ATP6V1D: variants seen among roughly 807,000 people sequenced by gnomAD.
ATP6V1D encodes the protein V-type proton ATPase subunit D.
ATP6V1D carries 20 observed loss-of-function variants against 39.4 expected under a neutral mutation model. The observed-to-expected ratio is 0.51, with a 90% CI of 0.36 to 0.74. The LOEUF is 0.74. ATP6V1D is among the 30% of genes least tolerant of loss of function. ATP6V1D has a pLI of 0.00. For missense variants in ATP6V1D, 228 were observed against 291.6 expected, an observed-to-expected ratio of 0.78 and a Z score of 1.59; for synonymous variants, 100 against 100.5, an observed-to-expected ratio of 0.99 and a Z score of 0.03.
chr14:67,359,195 A>G (rs945891188), intron 1 of ATP6V1D, among the ~76,000 whole-genome samples: 1 of 152,230 alleles, frequency 6.6e-6, no homozygotes, highest in African/African-American at 2.4e-5. Flanking sequence ...TTCCATCCCC[A>G]CTTTGGCTTA....
chr14:67,338,533 A>T lies in ATP6V1D; in HGVS notation c.*88T>A. Reference sequence around the variant, plus strand: ...AACCAGTGAAATTCTTAGGCCAAAAAATAAATAGCCACACAAATCAAACCT... The same window carrying T: ...AACCAGTGAAATTCTTAGGCCAAAATATAAATAGCCACACAAATCAAACCT... On this transcript the variant is annotated 3_prime_UTR_variant, in exon 9 of 9. Transcript: ENST00000216442. The T allele has an allele frequency of 7.3e-7, 1 of 1,374,404 alleles. No homozygotes were observed. The highest frequency in any genetic ancestry group is 2.6e-5 in the Admixed American group (1 of 38,572). 85.1% of individuals were successfully genotyped at this position (1,374,404 alleles called of 1,614,324 possible).
intron 7 of ATP6V1D, among the ~76,000 whole-genome samples, chr14:67,342,096 CTTGT>C (rs1349794556): frequency 1.3e-5 from 2 of 151,956 alleles, no homozygotes; most frequent in African/African-American, 2.4e-5. Context: ...CCTTTGTTCA[CTTGT>C]TTATCTGCTG....
At chr14:67,356,844 T>A (rs1446289850) in intron 1 of ATP6V1D, among the ~76,000 whole-genome samples, 2 of 152,234 alleles carry the variant, frequency 1.3e-5, no homozygotes, top group Non-Finnish European at 2.9e-5. Flanking sequence ...CATCTCAATG[T>A]GTGCATTTAA....
At chr14:67,341,457 G>A (rs2085581979) in intron 7 of ATP6V1D, among the ~76,000 whole-genome samples, 1 of 152,112 alleles carries the variant, frequency 6.6e-6, no homozygotes, top group South Asian at 2.1e-4. Context: ...CGTCCAGGAG[G>A]GAGGTTGGGG....
intron 8 of ATP6V1D, 93 bp from the exon 9 acceptor site, chr14:67,338,855 A>C: frequency 1.8e-6 from 2 of 1,107,824 alleles, no homozygotes; most frequent in Non-Finnish European, 2.5e-6. Flanking sequence ...GATAATAAAC[A>C]CATACCTAGA....
chr14:67,342,465 C>T (rs913390322), intron 7 of ATP6V1D, among the ~76,000 whole-genome samples: 3 of 150,426 alleles, frequency 2.0e-5, no homozygotes, highest in African/African-American at 7.3e-5. Flanking sequence ...AGAGAATGCT[C>T]GATTGAGTTT....
chr14:67,357,496 C>T (rs930556904), intron 1 of ATP6V1D, among the ~76,000 whole-genome samples: 3 of 152,220 alleles, frequency 2.0e-5, no homozygotes, highest in Non-Finnish European at 2.9e-5. Context: ...ATAGTAGTTT[C>T]ACCTTCATGA....
chr14:67,338,846 A>G, intron 8 of ATP6V1D, 84 bp from the exon 9 acceptor site: 1 of 1,267,646 alleles, frequency 7.9e-7, no homozygotes, highest in Non-Finnish European at 1.1e-6. Flanking sequence ...TGTAACAAGG[A>G]TAATAAACAC....
rs1308724511 is a variant in ATP6V1D at position 67,353,043 on chromosome 14, A to T, written c.42-3T>A. 1 of 1,596,686 alleles carries T rather than the reference A, an allele frequency of 6.3e-7. No individual in the cohort carries two copies. ...GAGCCTTCATGATGGTCTGTGCCCTATATAAACATAAACAAAGTTAAGACA... is the reference window on the plus strand; with the variant it reads ...GAGCCTTCATGATGGTCTGTGCCCTTTATAAACATAAACAAAGTTAAGACA... On this transcript the variant is annotated splice_polypyrimidine_tract_variant and splice_region_variant and intron_variant, in intron 1 of 8. Transcript: ENST00000216442.
intron 3 of ATP6V1D, among the ~76,000 whole-genome samples, chr14:67,350,089 TA>T (rs2085646277): frequency 6.6e-6 from 1 of 152,242 alleles, no homozygotes; most frequent in South Asian, 2.1e-4. Context: ...TAAATTGGCA[TA>T]ACACATTTGC....
chr14:67,341,551 G>A (rs1353650639), intron 7 of ATP6V1D, among the ~76,000 whole-genome samples: 3 of 150,862 alleles, frequency 2.0e-5, no homozygotes, highest in East Asian at 2.0e-4. Context: ...CGCCCCGTCC[G>A]GGAGGGAGGT....
chr14:67,353,848 G>T (rs749432451), intron 1 of ATP6V1D: 1 of 152,080 alleles, frequency 6.6e-6, no homozygotes, highest in Non-Finnish European at 1.5e-5. Context: ...GATTGCAGTG[G>T]TATGATCATA....
chr14:67,342,329 G>A (rs2085591519), intron 7 of ATP6V1D, among the ~76,000 whole-genome samples: 1 of 151,664 alleles, frequency 6.6e-6, no homozygotes, highest in Non-Finnish European at 1.5e-5. Context: ...TCTTTTCTAT[G>A]CATAGATAAC....
intron 8 of ATP6V1D, 123 bp downstream of exon 8, chr14:67,340,317 T>G: frequency 1.3e-6 from 1 of 775,746 alleles, no homozygotes; most frequent in Non-Finnish European, 2.1e-6. Context: ...TGCTGCTTAT[T>G]TATCAGAATA....
chr14:67,341,561 TG>T (rs963883332), intron 7 of ATP6V1D, among the ~76,000 whole-genome samples: 27 of 135,658 alleles, frequency 2.0e-4, no homozygotes, highest in Admixed American at 1.9e-3. Flanking sequence ...GGGAGGGAGG[TG>T]GGGGGGTCAG....
intron 3 of ATP6V1D, among the ~76,000 whole-genome samples, chr14:67,350,265 C>T (rs1018348330): frequency 2.0e-5 from 3 of 151,340 alleles, no homozygotes; most frequent in African/African-American, 7.3e-5. Flanking sequence ...CCTAATATTC[C>T]AAAAAACTGA....
chr14:67,340,591 A>G (rs540919367), intron 7 of ATP6V1D, 73 bp from the exon 8 acceptor site: 13 of 1,237,524 alleles, frequency 1.1e-5, no homozygotes, highest in African/African-American at 3.0e-5. Context: ...GCTCATTTGT[A>G]TAACAGTTAT....
At chr14:67,346,428 C>T (rs1006530522) in intron 5 of ATP6V1D, among the ~76,000 whole-genome samples, 3 of 152,240 alleles carry the variant, frequency 2.0e-5, no homozygotes, top group African/African-American at 4.8e-5. Context: ...CCTCCCACCT[C>T]GGCCTCCCGA....
intron 1 of ATP6V1D, among the ~76,000 whole-genome samples, chr14:67,358,423 C>G (rs2085700823): frequency 6.6e-6 from 1 of 152,204 alleles, no homozygotes; most frequent in Non-Finnish European, 1.5e-5. Flanking sequence ...TAAGCATCCT[C>G]AGATTCTCTC....
Sources: gnomAD v4.1 joint callset for allele counts (sites outside exome capture counted in the v4.1 genomes callset) on GRCh38, gnomAD v4.1.1 for gene constraint, MANE v1.5 for transcripts, NCBI Gene and HGNC (gene_info 2026-07-23, HGNC 2026-07-21) for gene names.